The following LRP1B variants were observed in gnomAD, a reference collection of about 807,000 sequenced individuals.
The protein encoded by LRP1B is low-density lipoprotein receptor-related protein 1B.
Under a neutral mutation model 556.6 loss-of-function variants are expected in LRP1B, and 217 were observed. The observed-to-expected ratio is 0.39, with a 90% CI of 0.35 to 0.44. The LOEUF (loss-of-function observed/expected upper bound fraction) is 0.44, where lower values mean the gene tolerates loss of function less well. Among genes scored for constraint, LRP1B ranks in the 20% least tolerant of loss-of-function variants. The pLI, the probability that LRP1B is intolerant of heterozygous loss-of-function variation, is 1.00. For missense variants in LRP1B, 5,053 were observed against 5,620.8 expected (o/e 0.90, Z 3.23); for synonymous variants, 2,047 against 1,865.8 (o/e 1.10, Z -2.50).
chr2:141,387,538 CACATGA>C (rs1343655375), intron 3 of LRP1B, among the ~76,000 whole-genome samples: 1 of 151,988 alleles, frequency 6.6e-6, no homozygotes, highest in African/African-American at 2.4e-5. Flanking sequence ...TGAACAATTG[CACATGA>C]ACAAATTAGA....
chr2:142,070,449 A>G (rs1574652988), intron 1 of LRP1B, among the ~76,000 whole-genome samples: 1 of 151,792 alleles, frequency 6.6e-6, no homozygotes, highest in East Asian at 1.9e-4. Flanking sequence ...AACACAAATC[A>G]TGTCTTTCCT....
chr2:140,552,393 T>C (rs1680577396), intron 43 of LRP1B, among the ~76,000 whole-genome samples: 1 of 152,114 alleles, frequency 6.6e-6, no homozygotes, highest in Non-Finnish European at 1.5e-5. Flanking sequence ...AGTCTAATAG[T>C]TTAGTTTTTA....
At chr2:140,561,515 C>T (rs544171126) in intron 43 of LRP1B, among the ~76,000 whole-genome samples, 2 of 152,202 alleles carry the variant, frequency 1.3e-5, no homozygotes, top group African/African-American at 4.8e-5. Context: ...AATTGTTATG[C>T]TTTTCTCTTG....
At chr2:141,850,545 CTA>C (rs374359064) in intron 1 of LRP1B, among the ~76,000 whole-genome samples, 19 of 143,302 alleles carry the variant, frequency 1.3e-4, no homozygotes, top group East Asian at 8.2e-4. Context: ...ATATACATTC[CTA>C]TATATATATA....
At chr2:141,685,681 A>C (rs897559460) in intron 2 of LRP1B, among the ~76,000 whole-genome samples, 2 of 152,124 alleles carry the variant, frequency 1.3e-5, no homozygotes, top group African/African-American at 4.8e-5. Context: ...AAGCAATGTG[A>C]TGACAGAAGG....
In LRP1B at chr2:140,550,986, C is replaced by T. The variant is rs528006573; in HGVS notation, c.7195-9015G>A. On this transcript the variant is annotated intron_variant, in intron 43 of 90. Coordinates refer to ENST00000389484, the MANE Select transcript of LRP1B (RefSeq NM_018557.3). ...TAAGTAGAGGAAGAGAAATGAGAGC[C>T]CTTTCTCTCTGTCATGTGAGGACAC... Among the ~76,000 whole-genome samples, 6 of 152,052 alleles carry T rather than the reference C, an allele frequency of 3.9e-5. No homozygotes were observed. The East Asian group carries it at 9.7e-4, about 25-fold the overall frequency.
chr2:141,103,668 G>A (rs1281809087), intron 7 of LRP1B, among the ~76,000 whole-genome samples: 3 of 148,318 alleles, frequency 2.0e-5, no homozygotes, highest in Admixed American at 6.7e-5. Flanking sequence ...TTCAATTCTT[G>A]CCAATACAAC....
intron 1 of LRP1B, among the ~76,000 whole-genome samples, chr2:141,956,466 A>C (rs140539910): frequency 6.6e-6 from 1 of 152,122 alleles, no homozygotes; most frequent in African/African-American, 2.4e-5. Flanking sequence ...AGTTTTTTAC[A>C]TATTCTGGAT....
At chr2:141,066,914 A>G (rs1003360128) in intron 7 of LRP1B, among the ~76,000 whole-genome samples, 2 of 151,928 alleles carry the variant, frequency 1.3e-5, no homozygotes, top group African/African-American at 4.8e-5. Context: ...AGATTTCAAA[A>G]ATCATTGCTA....
chr2:141,228,587 G>GTA (rs1331264685), intron 6 of LRP1B, among the ~76,000 whole-genome samples: 14 of 140,010 alleles, frequency 1.0e-4, no homozygotes, highest in Admixed American at 9.5e-4. Context: ...GTATGAGTGT[G>GTA]TGTGTGTGTG....
intron 3 of LRP1B, among the ~76,000 whole-genome samples, chr2:141,443,159 T>C (rs920664678): frequency 6.6e-6 from 1 of 152,216 alleles, no homozygotes; most frequent in African/African-American, 2.4e-5. Flanking sequence ...GTGGTTTTGA[T>C]TTGCATTTCT....
Position 140,944,890 on chromosome 2 carries a change from C to T in LRP1B, c.3136+5345G>A, listed in dbSNP as rs149246245. Among the ~76,000 whole-genome samples, 309 of 152,126 alleles carry T rather than the reference C, an allele frequency of 2.0e-3. 3 individuals are homozygous for T. The highest frequency in any genetic ancestry group is 7.2e-3 in the African/African-American group (297 of 41,528). On this transcript the variant is annotated intron_variant, in intron 20 of 90. Transcript: ENST00000389484. Reference sequence around the variant, plus strand: ...TAATCTCACCACTTCTATTTAACATCGTACTGGAATCCCCAGAGAGAGCAA... The same window carrying T: ...TAATCTCACCACTTCTATTTAACATTGTACTGGAATCCCCAGAGAGAGCAA...
At chr2:141,235,811 A>C (rs1016947967) in intron 5 of LRP1B, among the ~76,000 whole-genome samples, 1 of 152,202 alleles carries the variant, frequency 6.6e-6, no homozygotes, top group Non-Finnish European at 1.5e-5. Flanking sequence ...CCACATTTTA[A>C]GATTAATACT....
At position 140,789,009 on chromosome 2, in the gene LRP1B, C is replaced by T. The variant is rs150315272; in HGVS notation, c.5360-12771G>A. Among the ~76,000 whole-genome samples the T allele has an allele frequency of 1.9e-3, 283 of 152,230 alleles. 4 individuals are homozygous for T. The highest frequency in any genetic ancestry group is 0.017 in the Admixed American group (257 of 15,286). ...ACCAAACCTACTAACACCTTGATTTCGGATTTCTAAGCCTCCAGAGCTGTG... is the reference window on the plus strand; with the variant it reads ...ACCAAACCTACTAACACCTTGATTTTGGATTTCTAAGCCTCCAGAGCTGTG... On this transcript the variant is annotated intron_variant, in intron 32 of 90. Transcript: ENST00000389484.
chr2:141,779,613 C>T (rs937869471), intron 2 of LRP1B, among the ~76,000 whole-genome samples: 3 of 151,690 alleles, frequency 2.0e-5, no homozygotes, highest in Non-Finnish European at 2.9e-5. Context: ...GATGGGGTTT[C>T]GCCTCTTTTA....
intron 1 of LRP1B, among the ~76,000 whole-genome samples, chr2:141,924,268 C>T (rs1463660113): frequency 6.6e-6 from 1 of 151,912 alleles, no homozygotes; most frequent in Admixed American, 6.6e-5. Context: ...AGGAGTACAG[C>T]TGGGAGTGGT....
At chr2:141,643,269 A>C (rs569018723) in intron 2 of LRP1B, among the ~76,000 whole-genome samples, 84 of 152,252 alleles carry the variant, frequency 5.5e-4, no homozygotes, top group African/African-American at 2.0e-3. Flanking sequence ...AATTAAGGTA[A>C]CAGAAGCACC....
Position 140,452,181 on chromosome 2 carries a change from G to C in LRP1B, c.9964-1520C>G, listed in dbSNP as rs957824625. Among the ~76,000 whole-genome samples, 23 of 152,134 alleles carry C rather than the reference G, an allele frequency of 1.5e-4. 1 individual carries two copies. Among genetic ancestry groups the C allele is most frequent in the African/African-American group, 5.5e-4 (23 of 41,460 alleles). On this transcript the variant is annotated intron_variant, in intron 62 of 90. Transcript: ENST00000389484. The stretch of plus-strand genomic sequence containing the variant: ...ACCCAAATGTAGCTGCTGAGACAGA[G>C]TAATTATTGTTCCTACTAACTTCAT...
chr2:141,106,306 G>T (rs1336442228), intron 7 of LRP1B, among the ~76,000 whole-genome samples: 1 of 151,930 alleles, frequency 6.6e-6, no homozygotes, highest in Non-Finnish European at 1.5e-5. Flanking sequence ...TCGTTTTTTG[G>T]CTCCTAAAAT....
Sources: allele counts gnomAD v4.1 joint callset (sites outside exome capture counted in the v4.1 genomes callset), GRCh38; gene constraint gnomAD v4.1.1; transcripts MANE v1.5; gene names NCBI Gene and HGNC (gene_info 2026-07-23, HGNC 2026-07-21).